MGAT4C: variants seen among roughly 807,000 people sequenced by gnomAD.
The protein encoded by MGAT4C is alpha-1,3-mannosyl-glycoprotein 4-beta-N-acetylglucosaminyltransferase C.
In MGAT4C, 19 loss-of-function variants were observed where a neutral mutation model predicts 40.1. That is an observed-to-expected ratio of 0.47 (90% CI 0.33 to 0.70). The LOEUF (loss-of-function observed/expected upper bound fraction) is 0.70, where lower values mean the gene tolerates loss of function less well. Among genes scored for constraint, MGAT4C ranks in the 30% least tolerant of loss-of-function variants. The pLI is 0.02. For synonymous variants in MGAT4C, 181 were observed against 187.1 expected (o/e 0.97, Z 0.27); for missense variants, 491 against 563.2 (o/e 0.87, Z 1.30).
intron 2 of MGAT4C, among the ~76,000 whole-genome samples, chr12:86,609,948 C>T (rs1176836863): frequency 1.3e-5 from 2 of 152,136 alleles, no homozygotes; most frequent in African/African-American, 4.8e-5. Flanking sequence ...TAGTTCATCA[C>T]ATTATAAGTC....
chr12:86,596,651 AT>A (rs1418081907), intron 2 of MGAT4C, among the ~76,000 whole-genome samples: 1 of 152,152 alleles, frequency 6.6e-6, no homozygotes, highest in African/African-American at 2.4e-5. Context: ...AGAATGTTTA[AT>A]TGGCTGTAAG....
At chr12:86,304,536 A>G (rs895870945) in intron 4 of MGAT4C, among the ~76,000 whole-genome samples, 3 of 150,780 alleles carry the variant, frequency 2.0e-5, no homozygotes, top group South Asian at 4.1e-4. Flanking sequence ...GCTTTTAATC[A>G]TGCCATTGTT....
intron 2 of MGAT4C, among the ~76,000 whole-genome samples, chr12:86,680,403 G>T (rs1290217704): frequency 6.6e-6 from 1 of 151,866 alleles, no homozygotes; most frequent in South Asian, 2.1e-4. Flanking sequence ...GGCTAAGAGA[G>T]AGAAAAAAAT....
At chr12:86,319,366 A>G (rs989759854) in intron 4 of MGAT4C, among the ~76,000 whole-genome samples, 4 of 152,156 alleles carry the variant, frequency 2.6e-5, no homozygotes, top group Admixed American at 6.6e-5. Flanking sequence ...TACATGCATA[A>G]GAAATCTCTC....
chr12:86,212,079 G>A (rs758125655), intron 1 of MGAT4C, among the ~76,000 whole-genome samples: 1 of 152,146 alleles, frequency 6.6e-6, no homozygotes, highest in Non-Finnish European at 1.5e-5. Flanking sequence ...TAAATTCAAA[G>A]AGTATAGCCC....
intron 3 of MGAT4C, among the ~76,000 whole-genome samples, chr12:86,383,415 G>A (rs1955986126): frequency 6.6e-6 from 1 of 151,960 alleles, no homozygotes; most frequent in South Asian, 2.1e-4. Flanking sequence ...ATCTGGGCGT[G>A]GTGGCATGCA....
chr12:86,587,224 G>T (rs1000673062), intron 2 of MGAT4C, among the ~76,000 whole-genome samples: 4 of 151,774 alleles, frequency 2.6e-5, no homozygotes, highest in Non-Finnish European at 4.4e-5. Flanking sequence ...TTTCCCCATT[G>T]CTTGTTTTTC....
chr12:86,729,319 G>A (rs35215255), intron 1 of MGAT4C, among the ~76,000 whole-genome samples: 4 of 151,786 alleles, frequency 2.6e-5, no homozygotes, highest in East Asian at 1.9e-4. Context: ...AATATCTCAC[G>A]TAACCCACAA....
intron 2 of MGAT4C, among the ~76,000 whole-genome samples, chr12:86,538,608 C>CTTTT (rs71078909): frequency 1.4e-5 from 2 of 138,356 alleles, no homozygotes; most frequent in African/African-American, 2.7e-5. Context: ...TGTAATACTT[C>CTTTT]TTTTTTTTTT....
rs1430831158 is a variant in MGAT4C at position 85,966,699 on chromosome 12, C to A, written c.*12590G>T. ...ATTAAGAAAATGTGGCACATATACA[C>A]CATGGAATACTATGCAGCCATAAAA... On this transcript the variant is annotated 3_prime_UTR_variant, in exon 5 of 5. Transcript: ENST00000611864. 1 of 152,074 alleles carries A rather than the reference C, an allele frequency of 6.6e-6. No individual in the cohort carries two copies. The highest frequency in any genetic ancestry group is 2.4e-5 in the African/African-American group (1 of 41,406). 9.4% of individuals were successfully genotyped at this position (152,074 alleles called of 1,614,324 possible). A position where few individuals can be genotyped will look rare whatever the true frequency, so the allele number is the denominator to read the frequency against.
At chr12:86,749,300 C>G (rs1951199079) in intron 1 of MGAT4C, among the ~76,000 whole-genome samples, 1 of 151,546 alleles carries the variant, frequency 6.6e-6, no homozygotes, top group African/African-American at 2.4e-5. Flanking sequence ...CTCTTGAGTA[C>G]TTCAACAGAT....
At chr12:86,592,191 T>C (rs1961356103) in intron 2 of MGAT4C, among the ~76,000 whole-genome samples, 1 of 152,106 alleles carries the variant, frequency 6.6e-6, no homozygotes, top group African/African-American at 2.4e-5. Flanking sequence ...AAATCAAGTA[T>C]GGACTTGGCT....
At chr12:86,013,346 C>G (rs73392052) in intron 2 of MGAT4C, among the ~76,000 whole-genome samples, 12,065 of 152,102 alleles carry the variant, frequency 0.079, 1,037 homozygotes, top group African/African-American at 0.22. Flanking sequence ...CTCCGCCTCC[C>G]GGGTTCACGA....
chr12:86,748,646 T>A (rs1254930998), intron 1 of MGAT4C, among the ~76,000 whole-genome samples: 1 of 151,520 alleles, frequency 6.6e-6, no homozygotes, highest in Non-Finnish European at 1.5e-5. Context: ...GTGTGTAATA[T>A]CATGTAAAGC....
At chr12:86,706,528 G>T (rs1246213307) in intron 2 of MGAT4C, among the ~76,000 whole-genome samples, 2 of 152,168 alleles carry the variant, frequency 1.3e-5, no homozygotes, top group East Asian at 3.9e-4. Context: ...AAAGGGCTAG[G>T]TTTACAGGCA....
chr12:86,470,767 C>G (rs753966706), intron 2 of MGAT4C, among the ~76,000 whole-genome samples: 1 of 152,032 alleles, frequency 6.6e-6, no homozygotes, highest in East Asian at 1.9e-4. Flanking sequence ...AATCATAATG[C>G]ACTGAAACTT....
At chr12:86,689,002 C>G (rs570013844) in intron 2 of MGAT4C, among the ~76,000 whole-genome samples, 1 of 152,286 alleles carries the variant, frequency 6.6e-6, no homozygotes, top group East Asian at 1.9e-4. Flanking sequence ...TAGGTTTGGT[C>G]TTTTCACATA....
intron 2 of MGAT4C, among the ~76,000 whole-genome samples, chr12:86,578,074 T>G (rs1393962312): frequency 1.3e-5 from 2 of 151,744 alleles, no homozygotes; most frequent in African/African-American, 4.8e-5. Context: ...GTTATTTCTG[T>G]GGCCAGTATG....
chr12:86,188,849 A>G (rs1386074152), intron 1 of MGAT4C, among the ~76,000 whole-genome samples: 1 of 151,942 alleles, frequency 6.6e-6, no homozygotes, highest in Non-Finnish European at 1.5e-5. Context: ...ATATTGAATA[A>G]CCTATGATAA....
Sources: allele counts gnomAD v4.1 joint callset (sites outside exome capture counted in the v4.1 genomes callset), GRCh38; gene constraint gnomAD v4.1.1; transcripts MANE v1.5; gene names NCBI Gene and HGNC (gene_info 2026-07-23, HGNC 2026-07-21).